OSBPL9: variants seen among roughly 807,000 people sequenced by gnomAD.
OSBPL9 encodes oxysterol binding protein like 9.
A neutral mutation model predicts 106.6 loss-of-function variants in OSBPL9; 40 were observed. The observed-to-expected ratio is 0.38, with a 90% CI of 0.29 to 0.49. The LOEUF (loss-of-function observed/expected upper bound fraction) is 0.49, where lower values mean the gene tolerates loss of function less well. Among genes scored for constraint, OSBPL9 ranks in the 20% least tolerant of loss-of-function variants. OSBPL9 has a pLI of 0.97. For synonymous variants in OSBPL9, 269 were observed against 295.4 expected (o/e 0.91, Z 0.92); for missense variants, 609 against 887.2 (o/e 0.69, Z 3.98).
At chr1:51,565,506 T>G in the OSBPL9 span, 1 of 152,188 alleles carries the variant, frequency 6.6e-6, no homozygotes, top group African/African-American at 2.4e-5. Context: ...CATTAAGGAC[T>G]TCCTATATAC....
At chr1:51,770,863 A>G (rs1044692713) in intron 12 of OSBPL9, among the ~76,000 whole-genome samples, 6 of 152,220 alleles carry the variant, frequency 3.9e-5, no homozygotes, top group Non-Finnish European at 5.9e-5. Flanking sequence ...CAGTGAAACT[A>G]TTCTGTATGA....
At chr1:51,523,713 A>C in the OSBPL9 span, among the ~76,000 whole-genome samples, 2 of 152,188 alleles carry the variant, frequency 1.3e-5, no homozygotes, top group African/African-American at 4.8e-5. Flanking sequence ...GAGCCTAAAG[A>C]GAAGACCTTA....
At chr1:51,589,503 A>G (rs1472511260) in intron 1 of OSBPL9, among the ~76,000 whole-genome samples, 2 of 152,178 alleles carry the variant, frequency 1.3e-5, no homozygotes, top group African/African-American at 4.8e-5. Context: ...GGGATAGAGT[A>G]TAACCGTATA....
At chr1:51,645,286 G>T (rs1188454696) in intron 1 of OSBPL9, among the ~76,000 whole-genome samples, 1 of 152,018 alleles carries the variant, frequency 6.6e-6, no homozygotes, top group East Asian at 1.9e-4. Flanking sequence ...TTCTTAACTT[G>T]ATTTTCTTAG....
intron 12 of OSBPL9, among the ~76,000 whole-genome samples, chr1:51,766,289 G>A (rs778282080): frequency 1.3e-4 from 20 of 152,286 alleles, no homozygotes; most frequent in African/African-American, 2.2e-4. Flanking sequence ...AACCCTGGCC[G>A]TTTCTACAGT....
At chr1:51,590,533 T>A (rs1195838191) in intron 1 of OSBPL9, among the ~76,000 whole-genome samples, 1 of 142,972 alleles carries the variant, frequency 7.0e-6, no homozygotes, top group African/African-American at 2.6e-5. Flanking sequence ...GGCAGGAGAA[T>A]GGCGTGAACC....
At chr1:51,771,496 C>T (rs548961089) in intron 12 of OSBPL9, among the ~76,000 whole-genome samples, 25 of 152,028 alleles carry the variant, frequency 1.6e-4, no homozygotes, top group South Asian at 6.2e-4. Context: ...TGCGTGTGCG[C>T]GCACACACAC....
Position 51,764,863 on chromosome 1 carries a change from G to A in OSBPL9, c.779-959G>A, listed in dbSNP as rs12066570. On this transcript the variant is annotated intron_variant, in intron 11 of 23. Coordinates refer to ENST00000428468, the MANE Select transcript of OSBPL9 (RefSeq NM_024586.6). The stretch of plus-strand genomic sequence containing the variant: ...TCCTCCCAAAGTGCTGGAATTACAG[G>A]CATGAGCCATTGTGCCTAGCCTGGA... Among the ~76,000 whole-genome samples, 496 of 152,286 alleles carry A rather than the reference G, an allele frequency of 3.3e-3. 2 individuals are homozygous for A. Among genetic ancestry groups the A allele is most frequent in the African/African-American group, 0.011 (474 of 41,560 alleles).
intron 4 of OSBPL9, among the ~76,000 whole-genome samples, chr1:51,731,793 ACT>A (rs1664515353): frequency 6.6e-6 from 1 of 151,392 alleles, no homozygotes; most frequent in South Asian, 2.1e-4. Context: ...AAAAAAAAAA[ACT>A]CTTAAAGAAA....
At chr1:51,641,193 C>A (rs1349506962) in intron 1 of OSBPL9, among the ~76,000 whole-genome samples, 3 of 152,140 alleles carry the variant, frequency 2.0e-5, no homozygotes, top group African/African-American at 7.2e-5. Context: ...AGGCAGACCG[C>A]TGTGTGATTT....
intron 3 of OSBPL9, among the ~76,000 whole-genome samples, chr1:51,680,698 CATA>C (rs1353317969): frequency 1.3e-5 from 2 of 151,858 alleles, no homozygotes; most frequent in African/African-American, 4.8e-5. Flanking sequence ...GTAAAAGTTG[CATA>C]ATATTTCATT....
chr1:51,543,449 G>A, the OSBPL9 span, among the ~76,000 whole-genome samples: 1 of 152,018 alleles, frequency 6.6e-6, no homozygotes, highest in Admixed American at 6.5e-5. Flanking sequence ...GGACTGGAGT[G>A]CAGTGGCGCC....
At chr1:51,707,561 T>G (rs1658857410) in intron 3 of OSBPL9, 1 of 181,366 alleles carries the variant, frequency 5.5e-6, no homozygotes, top group Non-Finnish European at 1.2e-5. Flanking sequence ...TGCCACAGTT[T>G]CCCAGAGGTA....
the OSBPL9 span, among the ~76,000 whole-genome samples, chr1:51,547,926 T>G: frequency 6.6e-6 from 1 of 151,776 alleles, no homozygotes; most frequent in Non-Finnish European, 1.5e-5. Context: ...TAAACTACCA[T>G]GTACTAAGTA....
intron 2 of OSBPL9, among the ~76,000 whole-genome samples, chr1:51,603,891 T>TA (rs1643912555): frequency 6.6e-6 from 1 of 152,178 alleles, no homozygotes; most frequent in African/African-American, 2.4e-5. Context: ...TTAAGCTAGT[T>TA]ACCATAGTGG....
At chr1:51,749,319 AT>A (rs928970726) in intron 7 of OSBPL9, among the ~76,000 whole-genome samples, 2 of 150,758 alleles carry the variant, frequency 1.3e-5, no homozygotes, top group Non-Finnish European at 1.5e-5. Flanking sequence ...AAGTCTTTTT[AT>A]TTTTTTTTAA....
intron 1 of OSBPL9, among the ~76,000 whole-genome samples, chr1:51,617,609 A>G (rs987975193): frequency 6.6e-6 from 1 of 152,120 alleles, no homozygotes; most frequent in Non-Finnish European, 1.5e-5. Flanking sequence ...CTGTCCCACC[A>G]AGGCCCTGTA....
intron 1 of OSBPL9, among the ~76,000 whole-genome samples, chr1:51,641,082 G>A (rs982348188): frequency 2.6e-5 from 4 of 152,036 alleles, no homozygotes; most frequent in African/African-American, 7.2e-5. Context: ...GCCACTGTGC[G>A]TTGCCATATT....
At chr1:51,523,256 C>CT in the OSBPL9 span, among the ~76,000 whole-genome samples, 143 of 151,540 alleles carry the variant, frequency 9.4e-4, 1 homozygote, top group African/African-American at 3.3e-3. Flanking sequence ...TTGCTGTTTT[C>CT]TTTTTTTTGT....
Sources: gnomAD v4.1 joint callset for allele counts (sites outside exome capture counted in the v4.1 genomes callset) on GRCh38, gnomAD v4.1.1 for gene constraint, MANE v1.5 for transcripts, NCBI Gene and HGNC (gene_info 2026-07-23, HGNC 2026-07-21) for gene names.